The following REV3L variants were observed in gnomAD, a reference collection of about 807,000 sequenced individuals.
REV3L encodes the protein DNA polymerase zeta catalytic subunit.
In REV3L, 69 loss-of-function variants were observed where a neutral mutation model predicts 299.4. The ratio of observed to expected loss-of-function variants is 0.23; its 90% CI spans 0.19 to 0.28. The LOEUF is 0.28. Among genes scored for constraint, REV3L ranks in the 10% least tolerant of loss-of-function variants. REV3L has a pLI of 1.00. For synonymous variants in REV3L, 1,238 were observed against 1,271.4 expected (o/e 0.97, Z 0.56); for missense variants, 3,128 against 3,693.8 (o/e 0.85, Z 3.97).
At chr6:111,306,213 G>T (rs922314709) in intron 31 of REV3L, among the ~76,000 whole-genome samples, 5 of 152,126 alleles carry the variant, frequency 3.3e-5, no homozygotes, top group African/African-American at 1.2e-4. Flanking sequence ...ACCCAGTCCA[G>T]AGGTTTCAGC....
intron 1 of REV3L, among the ~76,000 whole-genome samples, chr6:111,432,115 T>C (rs996060390): frequency 1.3e-5 from 2 of 152,008 alleles, no homozygotes; most frequent in African/African-American, 2.4e-5. Flanking sequence ...AATCTCTTAA[T>C]CACAAAGGAA....
At chr6:111,401,890 C>T (rs1325241339) in intron 4 of REV3L, among the ~76,000 whole-genome samples, 1 of 151,874 alleles carries the variant, frequency 6.6e-6, no homozygotes, top group Non-Finnish European at 1.5e-5. Context: ...GTGGGTGGAT[C>T]GCTTAAGCCT....
At chr6:111,453,221 G>T (rs1469511716) in intron 1 of REV3L, among the ~76,000 whole-genome samples, 1 of 152,044 alleles carries the variant, frequency 6.6e-6, no homozygotes, top group Non-Finnish European at 1.5e-5. Context: ...GTAAAAATAA[G>T]ACCCCATTTT....
At chr6:111,474,988 T>TATATATACACACACACAC (rs151075609) in intron 1 of REV3L, among the ~76,000 whole-genome samples, 2 of 145,844 alleles carry the variant, frequency 1.4e-5, no homozygotes, top group African/African-American at 5.2e-5. Context: ...TGCCTATATA[T>TATATATACACACACACAC]ACACACACAC....
intron 1 of REV3L, among the ~76,000 whole-genome samples, chr6:111,426,422 C>T (rs1786189528): frequency 6.6e-6 from 1 of 152,168 alleles, no homozygotes; most frequent in African/African-American, 2.4e-5. Context: ...TCACATCTCC[C>T]CTTTATGGAA....
chr6:111,464,301 T>C (rs1791154711), intron 1 of REV3L, among the ~76,000 whole-genome samples: 1 of 152,168 alleles, frequency 6.6e-6, no homozygotes, highest in South Asian at 2.1e-4. Context: ...GGCAAATCTA[T>C]CTTTTTATAA....
chr6:111,452,867 C>A (rs1467118061), intron 1 of REV3L, among the ~76,000 whole-genome samples: 1 of 151,912 alleles, frequency 6.6e-6, no homozygotes, highest in Non-Finnish European at 1.5e-5. Flanking sequence ...TGTCACTCAC[C>A]AGAATTTATC....
intron 21 of REV3L, among the ~76,000 whole-genome samples, chr6:111,340,062 T>A (rs946079604): frequency 6.6e-6 from 1 of 152,138 alleles, no homozygotes; most frequent in Non-Finnish European, 1.5e-5. Context: ...CCTGAAGGCA[T>A]GGATATTTTT....
intron 1 of REV3L, among the ~76,000 whole-genome samples, chr6:111,432,557 A>G (rs976399416): frequency 1.3e-5 from 2 of 152,232 alleles, no homozygotes; most frequent in African/African-American, 4.8e-5. Context: ...TGCATAAAGC[A>G]AATAATACAT....
intron 11 of REV3L, among the ~76,000 whole-genome samples, chr6:111,378,203 G>A (rs1240268619): frequency 6.6e-6 from 1 of 152,174 alleles, no homozygotes. Flanking sequence ...AAGAGAAAAT[G>A]CTGAAGAAGA....
rs115371136 is a variant in REV3L, at chr6:111,375,478, G to A, written c.2877C>T (p.Leu959=). 1.7e-4 allele frequency: 268 copies of A among 1,605,046 alleles called. No individual in the cohort carries two copies. The African/African-American group carries it at 3.3e-3, about 20-fold the overall frequency. ...MEIGESLDGT[L]KSRKRRKMSK... ...ACATTTTTCTTCGTTTTCGGGATTT[G>A]AGAGTTCCATCTAAACTTTCACCAA... The change falls in exon 13 of 32, where the codon CTC becomes CTT. Residue 959 remains leucine, a synonymous_variant. Coordinates refer to ENST00000368802, the MANE Select transcript of REV3L (RefSeq NM_001372078.1).
Position 111,373,170 on chromosome 6 carries a change from C to G in REV3L, c.5185G>C (p.Glu1729Gln). The change falls in exon 13 of 32, where the codon GAG becomes CAG. Residue 1729 changes from glutamate (E) to glutamine (Q), a missense_variant. Physicochemically the swap from Glu to Gln is conservative, Grantham distance 29. Coordinates refer to ENST00000368802, the MANE Select transcript of REV3L (RefSeq NM_001372078.1). ...TCATTGCTATCTATGGTTGACTTCT[C>G]AAAAATTTCAGGACTTAAAGTACCA... Reference protein sequence around the residue: ...RSGTLSPEIFEKSTIDSNENR... With the variant: ...RSGTLSPEIFQKSTIDSNENR... The G allele has an allele frequency of 1.9e-6, 3 of 1,614,084 alleles. No individual in the cohort carries two copies. The highest frequency in any genetic ancestry group is 2.5e-6 in the Non-Finnish European group (3 of 1,179,988).
In REV3L at chr6:111,302,416, T is replaced by A. The variant is rs536967192; in HGVS notation, c.9253-2260A>T. On this transcript the variant is annotated intron_variant, in intron 31 of 31. Coordinates refer to ENST00000368802, the MANE Select transcript of REV3L (RefSeq NM_001372078.1). ...GATGGAATTACTTGACTCACTAAAT[T>A]TAACTCAGTGTTTAGTTTCAAGATC... Among the ~76,000 whole-genome samples the A allele has an allele frequency of 3.9e-5, 6 of 152,342 alleles. No homozygotes were observed. In the South Asian group the frequency reaches 1.2e-3, roughly 32 times the overall value.
intron 1 of REV3L, among the ~76,000 whole-genome samples, chr6:111,451,989 C>T (rs1484092697): frequency 1.3e-5 from 2 of 151,962 alleles, no homozygotes; most frequent in African/African-American, 2.4e-5. Flanking sequence ...GACTTGAGTC[C>T]AGAATGAATA....
At chr6:111,434,334 T>TC (rs1240136047) in intron 1 of REV3L, among the ~76,000 whole-genome samples, 1 of 151,932 alleles carries the variant, frequency 6.6e-6, no homozygotes, top group Non-Finnish European at 1.5e-5. Context: ...TGATTAATGG[T>TC]CCGGGCGTGG....
Position 111,405,405 on chromosome 6 carries a change from T to G in REV3L, c.565+65A>C, listed in dbSNP as rs936184066. The G allele has an allele frequency of 1.8e-5, 19 of 1,061,876 alleles. No individual in the cohort carries two copies. In the African/African-American group the frequency reaches 2.9e-4, roughly 16 times the overall value. The allele number at this position is 1,061,876 out of a possible 1,614,324, so 65.8% of individuals were successfully genotyped here. On this transcript the variant is annotated intron_variant, in intron 4 of 31. Transcript: ENST00000368802. ...ATATATTATTTTATAAATCACTGAC[T>G]ATATAACACTTGTTTCAAAACTTTA... is the stretch of plus-strand genomic sequence containing the variant.
Position 111,430,343 on chromosome 6 carries a change from T to C in REV3L, c.140-13871A>G, listed in dbSNP as rs1030468626. On this transcript the variant is annotated intron_variant, in intron 1 of 31. Coordinates refer to ENST00000368802, the MANE Select transcript of REV3L (RefSeq NM_001372078.1). ...ACTGCTCCTGGCTACTCCATGATCA[T>C]TAAACACCCAATGGATTTTAAATGA... The C allele has an allele frequency of 5.1e-6, 6 of 1,183,468 alleles. No individual in the cohort carries two copies. The Admixed American group carries it at 1.0e-4, about 20-fold the overall frequency. 73.3% of individuals were successfully genotyped at this position (1,183,468 alleles called of 1,614,324 possible).
At chr6:111,390,055 A>G (rs766368828) in intron 6 of REV3L, 31 bp downstream of exon 6, 1 of 1,469,054 alleles carries the variant, frequency 6.8e-7, no homozygotes, top group South Asian at 1.2e-5. Flanking sequence ...TAAAAAATAA[A>G]AACATATATT....
At chr6:111,360,647 T>A (rs1778562993) in intron 16 of REV3L, 1 of 151,790 alleles carries the variant, frequency 6.6e-6, no homozygotes, top group Non-Finnish European at 1.5e-5. Flanking sequence ...AGCTAATTTA[T>A]AAAAACTTCT....
Sources: gnomAD v4.1 joint callset for allele counts (sites outside exome capture counted in the v4.1 genomes callset) on GRCh38, gnomAD v4.1.1 for gene constraint, MANE v1.5 for transcripts, NCBI Gene and HGNC (gene_info 2026-07-23, HGNC 2026-07-21) for gene names.